PCCA: variants seen among roughly 807,000 people sequenced by gnomAD.
PCCA encodes propionyl-CoA carboxylase alpha chain, mitochondrial.
Under a neutral mutation model 101.3 loss-of-function variants are expected in PCCA, and 74 were observed. The observed-to-expected ratio is 0.73, with a 90% CI of 0.61 to 0.89. The LOEUF (loss-of-function observed/expected upper bound fraction) is 0.89, where lower values mean the gene tolerates loss of function less well. Among genes scored for constraint, PCCA ranks in the 40% least tolerant of loss-of-function variants. The pLI is 0.00. For synonymous variants in PCCA, 294 were observed against 313.6 expected (o/e 0.94, Z 0.66); for missense variants, 891 against 907.0 (o/e 0.98, Z 0.23).
chr13:100,233,971 G>T (rs1209429015), intron 7 of PCCA, among the ~76,000 whole-genome samples: 2 of 152,108 alleles, frequency 1.3e-5, no homozygotes, highest in African/African-American at 2.4e-5. Context: ...TATGTCTAAT[G>T]AATTTTTGAA....
chr13:100,502,137 C>T (rs546652635), intron 21 of PCCA, among the ~76,000 whole-genome samples: 2 of 152,228 alleles, frequency 1.3e-5, no homozygotes, highest in South Asian at 4.1e-4. Context: ...CCTTTACAAA[C>T]CTATTTCTGA....
chr13:100,176,784 G>A (rs577557575), intron 6 of PCCA, among the ~76,000 whole-genome samples: 1 of 152,248 alleles, frequency 6.6e-6, no homozygotes, highest in South Asian at 2.1e-4. Flanking sequence ...ATTAGGTAGA[G>A]TTTTAACAGA....
At chr13:100,121,386 C>T (rs1003776485) in intron 4 of PCCA, among the ~76,000 whole-genome samples, 2 of 151,702 alleles carry the variant, frequency 1.3e-5, no homozygotes, top group Non-Finnish European at 2.9e-5. Context: ...TCTCGAACTC[C>T]TGACCTCAAG....
In PCCA at chr13:100,354,074, AAATAATAATAATAAT is replaced by A. The variant is rs35218503; in HGVS notation, c.1643+13848_1643+13862del. 2.6e-3 allele frequency among the ~76,000 whole-genome samples: 337 copies of A among 129,140 alleles called. 1 individual carries two copies. The highest frequency in any genetic ancestry group is 5.5e-3 in the East Asian group (24 of 4,388). 84.7% of individuals were successfully genotyped at this position (129,140 alleles called of 152,430 possible). ...TAGAAGTTTGAGACCCCATCTCTAC[AAATAATAATAATAAT>A]AATAATAATAATAATAATAATAATA... On this transcript the variant is annotated intron_variant, in intron 18 of 23. Transcript: ENST00000376285.
intron 12 of PCCA, among the ~76,000 whole-genome samples, chr13:100,283,017 G>A (rs550803811): frequency 7.0e-4 from 107 of 151,984 alleles, no homozygotes; most frequent in African/African-American, 2.5e-3. Context: ...GGCCCAACCC[G>A]GGTACATGTC....
intron 11 of PCCA, among the ~76,000 whole-genome samples, chr13:100,271,456 T>C (rs2063309900): frequency 6.8e-6 from 1 of 146,036 alleles, no homozygotes; most frequent in Admixed American, 7.1e-5. Flanking sequence ...CTATATGAAA[T>C]AGAAATGTAA....
At chr13:100,304,070 G>C (rs180687686) in intron 14 of PCCA, among the ~76,000 whole-genome samples, 1 of 152,216 alleles carries the variant, frequency 6.6e-6, no homozygotes, top group East Asian at 1.9e-4. Context: ...TTTTGCCCTC[G>C]CAAGTTTTTG....
At chr13:100,525,003 A>AGAT (rs2087657683) in intron 22 of PCCA, among the ~76,000 whole-genome samples, 1 of 151,194 alleles carries the variant, frequency 6.6e-6, no homozygotes, top group African/African-American at 2.5e-5. Context: ...ATAGATAGAT[A>AGAT]GATAGATAGA....
chr13:100,415,405 C>CCAAAA (rs1468648362), intron 19 of PCCA, among the ~76,000 whole-genome samples: 1 of 152,110 alleles, frequency 6.6e-6, no homozygotes, highest in Non-Finnish European at 1.5e-5. Flanking sequence ...GACCCTGTCT[C>CCAAAA]CAAAACAAAA....
intron 16 of PCCA, among the ~76,000 whole-genome samples, chr13:100,315,453 A>G (rs931062358): frequency 2.6e-5 from 4 of 152,242 alleles, no homozygotes; most frequent in African/African-American, 4.8e-5. Context: ...AACTTGCTTT[A>G]TGAAAGGCAG....
At chr13:100,354,928 A>G (rs2073807702) in intron 18 of PCCA, among the ~76,000 whole-genome samples, 1 of 152,192 alleles carries the variant, frequency 6.6e-6, no homozygotes, top group Non-Finnish European at 1.5e-5. Flanking sequence ...ACTTAATACT[A>G]ATCCTCACAA....
chr13:100,368,508 G>T lies in PCCA; in HGVS notation c.1680G>T (p.Glu560Asp). ...TTAAACCAGACATAGCCAACTGGGA[G>T]CTCTCAGTAAAATTGCATGATAAAG... ...PVIKPDIANW[E>D]LSVKLHDKVH... Residue 560 changes from glutamate (E) to aspartate (D), a missense_variant, in exon 19 of 24, where the codon GAG (glutamate) becomes GAT (aspartate). Coordinates refer to ENST00000376285, the MANE Select transcript of PCCA (RefSeq NM_000282.4). The T allele has an allele frequency of 6.2e-7, 1 of 1,609,468 alleles. No individual in the cohort carries two copies. The highest frequency in any genetic ancestry group is 2.2e-5 in the East Asian group (1 of 44,676).
chr13:100,332,869 C>A (rs1391655517), intron 17 of PCCA, among the ~76,000 whole-genome samples: 1 of 152,136 alleles, frequency 6.6e-6, no homozygotes, highest in Non-Finnish European at 1.5e-5. Context: ...TTGCAGCCTT[C>A]ATTTTACATG....
chr13:100,150,696 G>C, intron 4 of PCCA: 1 of 1,547,712 alleles, frequency 6.5e-7, no homozygotes, highest in Non-Finnish European at 8.8e-7. Context: ...GGATCAGTGA[G>C]GATAACCTCA....
chr13:100,225,663 C>T (rs1336239113), intron 7 of PCCA, among the ~76,000 whole-genome samples: 1 of 152,102 alleles, frequency 6.6e-6, no homozygotes, highest in African/African-American at 2.4e-5. Flanking sequence ...TGTATTTGTC[C>T]CTGCTAAACC....
chr13:100,300,577 C>T (rs962992611), intron 12 of PCCA, among the ~76,000 whole-genome samples: 3 of 152,182 alleles, frequency 2.0e-5, no homozygotes, highest in African/African-American at 7.2e-5. Flanking sequence ...GACATCAAAG[C>T]AGCAGATGTG....
At chr13:100,146,459 C>T (rs2052578047) in intron 4 of PCCA, among the ~76,000 whole-genome samples, 1 of 151,594 alleles carries the variant, frequency 6.6e-6, no homozygotes, top group Non-Finnish European at 1.5e-5. Context: ...CCTGTAATCC[C>T]AGCTACTCAG....
chr13:100,178,122 G>A (rs1203689771), intron 6 of PCCA, among the ~76,000 whole-genome samples: 1 of 152,134 alleles, frequency 6.6e-6, no homozygotes, highest in African/African-American at 2.4e-5. Context: ...ATTTTATGTA[G>A]TCGTGTACTT....
At position 100,302,965 on chromosome 13, in the gene PCCA, G is replaced by A. The variant is rs374960990; in HGVS notation, c.1251G>A (p.Leu417=). ...TTGGTTTACCATCTATTGGGAGATT[G>A]TCTCAGTACCAAGAACCGTTACATC... ...KSFGLPSIGR[L]SQYQEPLHLP... Residue 417 remains leucine (L), a synonymous_variant, in exon 14 of 24, where the codon TTG becomes TTA. Coordinates refer to ENST00000376285, the MANE Select transcript of PCCA (RefSeq NM_000282.4). 1.2e-6 allele frequency: 2 copies of A among 1,607,148 alleles called. No individual in the cohort carries two copies. Among genetic ancestry groups the A allele is most frequent in the South Asian group, 1.1e-5 (1 of 90,968 alleles).
Sources: allele counts gnomAD v4.1 joint callset (sites outside exome capture counted in the v4.1 genomes callset), GRCh38; gene constraint gnomAD v4.1.1; transcripts MANE v1.5; gene names NCBI Gene and HGNC (gene_info 2026-07-23, HGNC 2026-07-21).